Variants in LRMDA observed in about 807,000 individuals in gnomAD.
LRMDA encodes the protein leucine rich melanocyte differentiation associated.
In LRMDA, 18 loss-of-function variants were observed where a neutral mutation model predicts 29.8. The observed-to-expected ratio is 0.60, with a 90% CI of 0.42 to 0.90. The LOEUF (loss-of-function observed/expected upper bound fraction) is 0.90, where lower values mean the gene tolerates loss of function less well. LRMDA is among the 40% of genes least tolerant of loss of function. The pLI is 0.00. For synonymous variants in LRMDA, 125 were observed against 109.4 expected (o/e 1.14, Z -0.89); for missense variants, 273 against 273.9 (o/e 1.00, Z 0.02).
intron 6 of LRMDA, among the ~76,000 whole-genome samples, chr10:76,407,651 T>C (rs1841916484): frequency 6.6e-6 from 1 of 152,184 alleles, no homozygotes; most frequent in African/African-American, 2.4e-5. Context: ...TTAAGAAATA[T>C]GCACAAGATT....
At chr10:75,679,405 A>G (rs944907831) in intron 2 of LRMDA, among the ~76,000 whole-genome samples, 4 of 152,158 alleles carry the variant, frequency 2.6e-5, no homozygotes, top group Admixed American at 2.6e-4. Context: ...GTAACTTGCC[A>G]AAGGTAATTC....
chr10:75,918,876 C>T (rs188183924), intron 2 of LRMDA, among the ~76,000 whole-genome samples: 352 of 152,234 alleles, frequency 2.3e-3, no homozygotes, highest in Middle Eastern at 6.8e-3. Context: ...ATATTTCAAC[C>T]CAGGCACTGT....
intron 5 of LRMDA, among the ~76,000 whole-genome samples, chr10:76,284,743 G>A (rs555275860): frequency 1.9e-4 from 29 of 152,184 alleles, no homozygotes; most frequent in African/African-American, 5.3e-4. Context: ...GGGACCCAGC[G>A]GGAGGTAATT....
chr10:75,669,644 C>A (rs972813954), intron 2 of LRMDA, among the ~76,000 whole-genome samples: 9 of 152,206 alleles, frequency 5.9e-5, no homozygotes, highest in African/African-American at 2.2e-4. Context: ...CAGTCAACTG[C>A]AGTTTGAAGG....
At chr10:75,938,645 G>A (rs376057695) in intron 2 of LRMDA, among the ~76,000 whole-genome samples, 21 of 152,190 alleles carry the variant, frequency 1.4e-4, no homozygotes, top group African/African-American at 4.8e-4. Context: ...GCGGCAAGAT[G>A]ATATGAAGTA....
intron 6 of LRMDA, among the ~76,000 whole-genome samples, chr10:76,387,733 G>T (rs540600120): frequency 5.3e-5 from 8 of 152,266 alleles, no homozygotes; most frequent in Non-Finnish European, 1.2e-4. Flanking sequence ...ATAAAGAATG[G>T]TTATTCCATA....
chr10:76,453,549 C>A (rs1842427750), intron 6 of LRMDA, among the ~76,000 whole-genome samples: 1 of 152,152 alleles, frequency 6.6e-6, no homozygotes, highest in African/African-American at 2.4e-5. Context: ...CATTTGTTTG[C>A]CATGCTATAG....
chr10:75,690,035 G>A (rs985007493), intron 2 of LRMDA, among the ~76,000 whole-genome samples: 15 of 152,128 alleles, frequency 9.9e-5, no homozygotes, highest in Admixed American at 5.9e-4. Context: ...TACATAACTG[G>A]ATCAGTGGTG....
chr10:76,226,988 A>G (rs1851970695), intron 5 of LRMDA, among the ~76,000 whole-genome samples: 2 of 152,240 alleles, frequency 1.3e-5, no homozygotes, highest in Non-Finnish European at 2.9e-5. Flanking sequence ...GAGGTTCATG[A>G]TAAGAGAAAT....
chr10:75,901,273 T>C (rs914899670), intron 2 of LRMDA, among the ~76,000 whole-genome samples: 2 of 152,134 alleles, frequency 1.3e-5, no homozygotes, highest in African/African-American at 4.8e-5. Flanking sequence ...CAAATCTCCT[T>C]GTCTTTTTAA....
intron 6 of LRMDA, among the ~76,000 whole-genome samples, chr10:76,397,401 T>A (rs1841797648): frequency 6.6e-6 from 1 of 152,186 alleles, no homozygotes; most frequent in South Asian, 2.1e-4. Flanking sequence ...TTGGGAAGCT[T>A]TCGTACTTTG....
At chr10:75,696,011 G>A (rs960932002) in intron 2 of LRMDA, among the ~76,000 whole-genome samples, 1 of 151,984 alleles carries the variant, frequency 6.6e-6, no homozygotes, top group African/African-American at 2.4e-5. Context: ...ACCTTAAGAA[G>A]TGAAAACAGT....
chr10:75,955,779 C>T (rs1846653795), intron 2 of LRMDA, among the ~76,000 whole-genome samples: 1 of 152,138 alleles, frequency 6.6e-6, no homozygotes, highest in African/African-American at 2.4e-5. Flanking sequence ...GTTCCTGTGG[C>T]TTGCTGAGCC....
At chr10:75,468,986 G>A (rs1844692580) in intron 2 of LRMDA, among the ~76,000 whole-genome samples, 1 of 152,142 alleles carries the variant, frequency 6.6e-6, no homozygotes, top group South Asian at 2.1e-4. Context: ...GGAAAGAGTA[G>A]ACAGAAAAGC....
intron 1 of LRMDA, 62 bp from the exon 2 acceptor site, chr10:75,438,332 G>C (rs750377578): frequency 1.5e-5 from 19 of 1,280,916 alleles, no homozygotes; most frequent in Non-Finnish European, 1.8e-5. Flanking sequence ...AGTAATTTCA[G>C]GGTTGGGAGC....
intron 5 of LRMDA, among the ~76,000 whole-genome samples, chr10:76,222,309 A>G (rs546435654): frequency 0.043 from 6,594 of 152,260 alleles, 463 homozygotes; most frequent in African/African-American, 0.15. Context: ...CAGCAAAAGA[A>G]ACTACCATCA....
chr10:75,682,116 A>G (rs1483316498), intron 2 of LRMDA, among the ~76,000 whole-genome samples: 1 of 152,174 alleles, frequency 6.6e-6, no homozygotes, highest in Non-Finnish European at 1.5e-5. Context: ...GGTGAGATGC[A>G]AGACCTAGGT....
At chr10:76,290,905 T>G (rs1840332513) in intron 5 of LRMDA, among the ~76,000 whole-genome samples, 1 of 152,050 alleles carries the variant, frequency 6.6e-6, no homozygotes. Context: ...TGAAAAAGAG[T>G]CATGAACTAC....
chr10:75,757,121 G>C (rs1789224114), intron 2 of LRMDA, among the ~76,000 whole-genome samples: 1 of 152,166 alleles, frequency 6.6e-6, no homozygotes, highest in African/African-American at 2.4e-5. Flanking sequence ...ATGGGGAATT[G>C]GTTTCAAAGA....
Sources: allele counts gnomAD v4.1 joint callset (sites outside exome capture counted in the v4.1 genomes callset), GRCh38; gene constraint gnomAD v4.1.1; transcripts MANE v1.5; gene names NCBI Gene and HGNC (gene_info 2026-07-23, HGNC 2026-07-21).